Variants in CYP2C8 observed in about 807,000 individuals in gnomAD.
CYP2C8 encodes cytochrome P450 family 2 subfamily C member 8.
Under a neutral mutation model 41.3 loss-of-function variants are expected in CYP2C8, and 51 were observed. The observed-to-expected ratio is 1.24, with a 90% CI of 0.99 to 1.56. CYP2C8 has a LOEUF of 1.56. Among genes scored for constraint, CYP2C8 ranks in the 40% most tolerant of loss-of-function variants. The pLI is 0.00. For missense variants in CYP2C8, 651 were observed against 579.9 expected (o/e 1.12, Z -1.26); for synonymous variants, 218 against 205.8 (o/e 1.06, Z -0.51).
At chr10:95,056,015 A>C (rs1341157) in intron 5 of CYP2C8, among the ~76,000 whole-genome samples, 149,029 of 152,192 alleles carry the variant, frequency 0.98, 72,976 homozygotes, top group East Asian at 1. Flanking sequence ...ATCACTTGAG[A>C]CCAAGAGTCA....
At chr10:95,056,218 C>A (rs2033312198) in intron 5 of CYP2C8, among the ~76,000 whole-genome samples, 6 of 152,062 alleles carry the variant, frequency 3.9e-5, no homozygotes, top group Admixed American at 3.3e-4. Context: ...CAATGAAATA[C>A]CACTTTGCAC....
At chr10:95,053,516 C>T (rs1029575470) in intron 5 of CYP2C8, among the ~76,000 whole-genome samples, 3 of 152,120 alleles carry the variant, frequency 2.0e-5, no homozygotes, top group Non-Finnish European at 4.4e-5. Flanking sequence ...GGAACCAACC[C>T]AAATGCCCAT....
chr10:95,045,980 C>G, intron 5 of CYP2C8, 29 bp from the exon 6 acceptor site: 1 of 1,612,710 alleles, frequency 6.2e-7, no homozygotes, highest in African/African-American at 1.3e-5. Context: ...AATTATCTGA[C>G]AAATTATGTG....
At position 95,058,436 on chromosome 10, in the gene CYP2C8, T is replaced by G; in HGVS notation, c.718A>C (p.Thr240Pro). Residue 240 changes from threonine to proline, a missense_variant, in exon 5 of 9, where the codon ACA becomes CCA. Coordinates refer to ENST00000371270, the MANE Select transcript of CYP2C8 (RefSeq NM_000770.3). ...ACTTTCTCCCTAATGTAACTTCGTG[T>G]AAGAGCAACATTTTTAAGCACTTTG... ...HNKVLKNVAL[T>P]RSYIREKVKE... is the part of the protein sequence containing the mutation. 3 of 1,613,470 alleles carry G rather than the reference T, an allele frequency of 1.9e-6. No individual in the cohort carries two copies.
chr10:95,067,724 A>C (rs766577999), intron 1 of CYP2C8, 33 bp from the exon 2 acceptor site: 1 of 1,607,658 alleles, frequency 6.2e-7, no homozygotes, highest in South Asian at 1.1e-5. Context: ...CAGCAAAATA[A>C]GTCGCTATTT....
intron 5 of CYP2C8, among the ~76,000 whole-genome samples, chr10:95,046,258 A>G (rs372752501): frequency 6.8e-4 from 104 of 152,352 alleles, no homozygotes; most frequent in African/African-American, 2.2e-3. Context: ...AATTTGTGTT[A>G]TAAAACAGAA....
At chr10:95,043,366 T>C (rs1467519210) in intron 6 of CYP2C8, among the ~76,000 whole-genome samples, 1 of 152,058 alleles carries the variant, frequency 6.6e-6, no homozygotes, top group Non-Finnish European at 1.5e-5. Flanking sequence ...ACATAATAAG[T>C]CAATAAATTA....
At chr10:95,043,235 A>G (rs2033043015) in intron 6 of CYP2C8, among the ~76,000 whole-genome samples, 158 bp from the exon 7 acceptor site, 1 of 152,246 alleles carries the variant, frequency 6.6e-6, no homozygotes, top group Admixed American at 6.5e-5. Flanking sequence ...AAGAATTACC[A>G]TAATATAGAT....
At chr10:95,062,455 A>G (rs2033456816) in intron 4 of CYP2C8, among the ~76,000 whole-genome samples, 1 of 152,028 alleles carries the variant, frequency 6.6e-6, no homozygotes, top group Non-Finnish European at 1.5e-5. Flanking sequence ...AGAGATTAGG[A>G]TTGCAACCCC....
intron 6 of CYP2C8, 105 bp from the exon 7 acceptor site, chr10:95,043,182 C>T: frequency 1.9e-6 from 2 of 1,038,092 alleles, no homozygotes; most frequent in East Asian, 2.4e-5. Context: ...AGCAACATTA[C>T]AAACATGAGT....
chr10:95,059,361 T>C (rs1241610894), intron 4 of CYP2C8, among the ~76,000 whole-genome samples: 1 of 152,182 alleles, frequency 6.6e-6, no homozygotes, highest in East Asian at 1.9e-4. Flanking sequence ...TGGTATCTCA[T>C]TGTGGTTTTG....
chr10:95,054,140 C>T (rs1432762065), intron 5 of CYP2C8, among the ~76,000 whole-genome samples: 1 of 151,744 alleles, frequency 6.6e-6, no homozygotes, highest in Non-Finnish European at 1.5e-5. Flanking sequence ...AACAATTAGA[C>T]AAGAAAGAGA....
At chr10:95,063,246 T>G (rs1197640483) in intron 4 of CYP2C8, among the ~76,000 whole-genome samples, 1 of 152,242 alleles carries the variant, frequency 6.6e-6, no homozygotes, top group Non-Finnish European at 1.5e-5. Flanking sequence ...TCCAACTCAG[T>G]TCCATTCTCC....
At position 95,039,006 on chromosome 10, in the gene CYP2C8, C is replaced by T. The variant is rs757068175; in HGVS notation, c.1182G>A (p.Val394=). Reference sequence around the variant, plus strand: ...TAGGAAATTCTTTGTCATCATGTAGCACGGAAGTCAGTAATGCCATTATGG... The same window carrying T: ...TAGGAAATTCTTTGTCATCATGTAGTACGGAAGTCAGTAATGCCATTATGG... The part of the protein sequence containing the change: ...GTTIMALLTS[V]LHDDKEFPNP... Residue 394 remains valine, a synonymous_variant, in exon 8 of 9, where the codon GTG becomes GTA. Coordinates refer to ENST00000371270, the MANE Select transcript of CYP2C8 (RefSeq NM_000770.3). 15 of 1,613,532 alleles carry T rather than the reference C, an allele frequency of 9.3e-6. No homozygotes were observed. In the Admixed American group the frequency reaches 2.5e-4, roughly 27 times the overall value.
intron 4 of CYP2C8, among the ~76,000 whole-genome samples, chr10:95,059,101 C>T (rs2033370516): frequency 6.6e-6 from 1 of 152,210 alleles, no homozygotes; most frequent in South Asian, 2.1e-4. Context: ...CCACAATAAA[C>T]ATACGTGTGC....
At chr10:95,058,609 C>T (rs2134428795) in intron 4 of CYP2C8, 98 bp from the exon 5 acceptor site, 2 of 1,089,834 alleles carry the variant, frequency 1.8e-6, no homozygotes, top group Non-Finnish European at 1.3e-6. Flanking sequence ...ATGAATAAGA[C>T]ATCATGTCCA....
chr10:95,051,573 C>T (rs1331234604), intron 5 of CYP2C8, among the ~76,000 whole-genome samples: 2 of 151,950 alleles, frequency 1.3e-5, no homozygotes, highest in African/African-American at 4.8e-5. Context: ...AATAAAACTC[C>T]CAAAGATGTC....
intron 5 of CYP2C8, among the ~76,000 whole-genome samples, chr10:95,055,952 G>A (rs1387225252): frequency 6.6e-6 from 1 of 152,052 alleles, no homozygotes; most frequent in African/African-American, 2.4e-5. Flanking sequence ...AATTAGCTGG[G>A]TGTGGGGGTT....
chr10:95,055,232 T>G (rs1462511018), intron 5 of CYP2C8, among the ~76,000 whole-genome samples: 1 of 152,098 alleles, frequency 6.6e-6, no homozygotes, highest in Non-Finnish European at 1.5e-5. Context: ...AACAGCATGG[T>G]ACTGGCAAAA....
Sources: gnomAD v4.1 joint callset for allele counts (sites outside exome capture counted in the v4.1 genomes callset) on GRCh38, gnomAD v4.1.1 for gene constraint, MANE v1.5 for transcripts, NCBI Gene and HGNC (gene_info 2026-07-23, HGNC 2026-07-21) for gene names.